GOLGA5: variants seen among roughly 807,000 people sequenced by gnomAD.
GOLGA5 encodes the protein golgin A5.
A neutral mutation model predicts 93.5 loss-of-function variants in GOLGA5; 50 were observed. The ratio of observed to expected loss-of-function variants is 0.53; its 90% confidence interval spans 0.43 to 0.68. The LOEUF is 0.68. GOLGA5 is among the 30% of genes least tolerant of loss of function. The pLI is 0.00. For missense variants in GOLGA5, 760 were observed against 856.4 expected, an observed-to-expected ratio of 0.89 and a Z score of 1.40; for synonymous variants, 312 against 304.5, an observed-to-expected ratio of 1.02 and a Z score of -0.26.
chr14:92,816,967 G>A (rs1885223715), intron 7 of GOLGA5, among the ~76,000 whole-genome samples: 1 of 149,802 alleles, frequency 6.7e-6, no homozygotes, highest in Admixed American at 6.7e-5. Context: ...ATGGAGTCTC[G>A]GTCTGTTGCC....
At chr14:92,821,744 C>A (rs1399768869) in intron 8 of GOLGA5, among the ~76,000 whole-genome samples, 1 of 152,078 alleles carries the variant, frequency 6.6e-6, no homozygotes, top group Non-Finnish European at 1.5e-5. Context: ...ACTCTATTTC[C>A]TGAGTACTCA....
intron 6 of GOLGA5, 21 bp from the exon 7 acceptor site, chr14:92,816,230 A>G (rs770443619): frequency 5.8e-6 from 9 of 1,548,566 alleles, no homozygotes; most frequent in Admixed American, 5.2e-5. Flanking sequence ...TTGCTTAAAC[A>G]TATTTCTTCT....
intron 2 of GOLGA5, among the ~76,000 whole-genome samples, chr14:92,801,448 A>T (rs752225827): frequency 6.6e-6 from 1 of 152,058 alleles, no homozygotes; most frequent in Non-Finnish European, 1.5e-5. Flanking sequence ...GGAAGTGTCA[A>T]GTCTTTTTTA....
At chr14:92,817,663 G>A (rs945777897) in intron 7 of GOLGA5, among the ~76,000 whole-genome samples, 1 of 152,118 alleles carries the variant, frequency 6.6e-6, no homozygotes, top group East Asian at 1.9e-4. Context: ...GAAACTTTTT[G>A]TAGAGAATGT....
chr14:92,795,497 A>C (rs967762514), intron 1 of GOLGA5, among the ~76,000 whole-genome samples: 1 of 152,178 alleles, frequency 6.6e-6, no homozygotes, highest in Non-Finnish European at 1.5e-5. Flanking sequence ...AACCCTTTCC[A>C]CATTTGCTTT....
Position 92,839,529 on chromosome 14 carries a change from G to C in GOLGA5, c.*83G>C, listed in dbSNP as rs1885715673. Reference sequence around the variant, plus strand: ...AAGGCCAATTGCCTAAAATTTCTGAGAACAGTGCACAAGATTATTTTATCA... The same window carrying C: ...AAGGCCAATTGCCTAAAATTTCTGACAACAGTGCACAAGATTATTTTATCA... On this transcript the variant is annotated 3_prime_UTR_variant, in exon 13 of 13. Transcript: ENST00000163416. 1 of 825,142 alleles carries C rather than the reference G, an allele frequency of 1.2e-6. No homozygotes were observed. The highest frequency in any genetic ancestry group is 2.4e-5 in the East Asian group (1 of 41,070). The allele number at this position is 825,142 out of a possible 1,614,324, so 51.1% of individuals were successfully genotyped here.
chr14:92,839,739 C>T lies in GOLGA5; in HGVS notation c.*293C>T. On this transcript the variant is annotated 3_prime_UTR_variant, in exon 13 of 13. Transcript: ENST00000163416. ...GTGGGGTTGTTCACCTCTGTACAGA[C>T]CATCTGTATGTTAGGTGACATTGAT... The T allele has an allele frequency of 2.9e-6, 1 of 345,696 alleles. No individual in the cohort carries two copies. The highest frequency in any genetic ancestry group is 5.2e-6 in the Non-Finnish European group (1 of 191,162). 21.4% of individuals were successfully genotyped at this position (345,696 alleles called of 1,614,324 possible).
chr14:92,837,439 TTA>T lies in GOLGA5; in HGVS notation c.2113_2114del (p.Met705GlyfsTer35). On this transcript the variant is annotated frameshift_variant, in exon 12 of 13. Coordinates refer to ENST00000163416, the MANE Select transcript of GOLGA5 (RefSeq NM_005113.4). LOFTEE classifies it high-confidence loss of function. ...TACCCCATAGCGCGAGTTTTTGTAA[TTA>T]TATATATGGTAAGTAAATTTATTTG... 2.1e-6 allele frequency: 3 copies of T among 1,412,990 alleles called. No individual in the cohort carries two copies. Among genetic ancestry groups the T allele is most frequent in the Non-Finnish European group, 3.0e-6 (3 of 997,830 alleles). 87.5% of individuals were successfully genotyped at this position (1,412,990 alleles called of 1,614,324 possible). A position where few individuals can be genotyped will look rare whatever the true frequency, so the allele number is the denominator to read the frequency against.
intron 12 of GOLGA5, among the ~76,000 whole-genome samples, 179 bp downstream of exon 12, chr14:92,837,628 G>A (rs763757946): frequency 6.6e-6 from 1 of 151,970 alleles, no homozygotes; most frequent in Non-Finnish European, 1.5e-5. Flanking sequence ...CAGTGGTGCA[G>A]TCTTGGCTCA....
rs751560647 is a variant in GOLGA5, at chr14:92,797,862, A to G, written c.425A>G (p.Lys142Arg). 2 of 1,613,986 alleles carry G rather than the reference A, an allele frequency of 1.2e-6. No individual in the cohort carries two copies. Among genetic ancestry groups the G allele is most frequent in the Non-Finnish European group, 8.5e-7 (1 of 1,179,838 alleles). Reference sequence around the variant, plus strand: ...CCTACCGGGAGGGTGGAAATCAGAAAGGAAAAAGGCAAGACACCTGTCTTT... The same window carrying G: ...CCTACCGGGAGGGTGGAAATCAGAAGGGAAAAAGGCAAGACACCTGTCTTT... ...KEPTGRVEIR[K>R]EKGKTPVFQS... Residue 142 changes from lysine to arginine, a missense_variant, in exon 2 of 13, where the codon AAG (lysine) becomes AGG (arginine). Transcript: ENST00000163416.
intron 1 of GOLGA5, among the ~76,000 whole-genome samples, chr14:92,795,504 C>T (rs979110390): frequency 6.6e-6 from 1 of 152,048 alleles, no homozygotes; most frequent in Non-Finnish European, 1.5e-5. Flanking sequence ...TCCACATTTG[C>T]TTTAAAAAAA....
chr14:92,812,324 C>G (rs150212131), intron 6 of GOLGA5, among the ~76,000 whole-genome samples: 10 of 152,300 alleles, frequency 6.6e-5, no homozygotes, highest in African/African-American at 1.9e-4. Flanking sequence ...CTCCATAGAT[C>G]TATGCCCTTC....
At chr14:92,808,754 ATGT>A (rs1318078253) in intron 3 of GOLGA5, among the ~76,000 whole-genome samples, 3 of 151,678 alleles carry the variant, frequency 2.0e-5, no homozygotes, top group East Asian at 1.9e-4. Context: ...TATTTTTAAA[ATGT>A]TGTGGTGGCT....
At chr14:92,804,955 A>G (rs942236569) in intron 2 of GOLGA5, among the ~76,000 whole-genome samples, 1 of 152,030 alleles carries the variant, frequency 6.6e-6, no homozygotes, top group Non-Finnish European at 1.5e-5. Flanking sequence ...CAACACTCCC[A>G]TTTTTAAGTC....
chr14:92,838,072 C>G (rs923780396), intron 12 of GOLGA5, among the ~76,000 whole-genome samples: 1 of 152,092 alleles, frequency 6.6e-6, no homozygotes, highest in Non-Finnish European at 1.5e-5. Flanking sequence ...TTTATCTTGA[C>G]GTTGTAAAGT....
intron 10 of GOLGA5, among the ~76,000 whole-genome samples, chr14:92,834,699 T>G (rs1042995871): frequency 6.6e-6 from 1 of 152,156 alleles, no homozygotes; most frequent in Non-Finnish European, 1.5e-5. Flanking sequence ...ATGGGGACTT[T>G]TACTCTGAAT....
chr14:92,810,473 T>C (rs146115003), intron 5 of GOLGA5, 96 bp downstream of exon 5: 10,016 of 852,716 alleles, frequency 0.012, 85 homozygotes, highest in Non-Finnish European at 0.014. Flanking sequence ...AATATAATTC[T>C]GCAATGCATT....
At chr14:92,834,184 C>CTTTTTTTTTTTTTTTTTTTT (rs35449807) in intron 10 of GOLGA5, among the ~76,000 whole-genome samples, 13 of 135,084 alleles carry the variant, frequency 9.6e-5, no homozygotes, top group Non-Finnish European at 1.5e-4. Flanking sequence ...TAGGTTTCAC[C>CTTTTTTTTTTTTTTTTTTTT]TTTTTTTTTT....
In GOLGA5 at chr14:92,806,831, A is replaced by G. The variant is rs1051240704; in HGVS notation, c.640A>G (p.Thr214Ala). ...TGCTGCCTGCCCTGACCACACCCCA[A>G]CACCTAATGATGATGGCAAATCACA... ...SNAACPDHTP[T>A]PNDDGKSHEL... The change falls in exon 3 of 13, where the codon ACA becomes GCA. Residue 214 changes from threonine (T) to alanine (A), a missense_variant. Coordinates refer to ENST00000163416, the MANE Select transcript of GOLGA5 (RefSeq NM_005113.4). The G allele has an allele frequency of 4.3e-6, 7 of 1,612,262 alleles. No homozygotes were observed. Among genetic ancestry groups the G allele is most frequent in the African/African-American group, 4.0e-5 (3 of 74,876 alleles).
Sources: allele counts gnomAD v4.1 joint callset (sites outside exome capture counted in the v4.1 genomes callset), GRCh38; gene constraint gnomAD v4.1.1; transcripts MANE v1.5; gene names NCBI Gene and HGNC (gene_info 2026-07-23, HGNC 2026-07-21).